The following CNKSR1 variants were observed in gnomAD, a reference collection of about 807,000 sequenced individuals.
CNKSR1 encodes the protein CNK homolog protein 1.
In CNKSR1, 88 loss-of-function variants were observed where a neutral mutation model predicts 95.6. The ratio of observed to expected loss-of-function variants is 0.92; its 90% CI spans 0.78 to 1.10. The LOEUF is 1.10. Ranked by LOEUF, CNKSR1 falls within the 50% of genes least tolerant of loss-of-function variation. The probability of loss-of-function intolerance (pLI) is 0.00; values close to 1 mark genes in which losing one functional copy is unlikely to be tolerated. For synonymous variants in CNKSR1, 355 were observed against 369.7 expected, an observed-to-expected ratio of 0.96 and a Z score of 0.46; for missense variants, 836 against 912.0, an observed-to-expected ratio of 0.92 and a Z score of 1.07.
At chr1:26,183,293 G>A (rs760179518) in intron 7 of CNKSR1, 37 bp downstream of exon 7, 22 of 1,613,906 alleles carry the variant, frequency 1.4e-5, no homozygotes, top group East Asian at 6.7e-5. Context: ...GCCCATCCCC[G>A]AGGCCTCTCA....
In CNKSR1 at chr1:26,189,749, A is replaced by G. The variant is rs748483524; in HGVS notation, c.*201A>G. The stretch of plus-strand genomic sequence containing the variant: ...TGCCAAAGAAGAAACTCTCCCCCCA[A>G]ATCCTCCAACCTCTGGGGCCACAGC... On this transcript the variant is annotated 3_prime_UTR_variant, in exon 21 of 21. Coordinates refer to ENST00000361530, the MANE Select transcript of CNKSR1 (RefSeq NM_006314.3). 7.2e-6 allele frequency: 5 copies of G among 698,944 alleles called. No homozygotes were observed. The highest frequency in any genetic ancestry group is 3.0e-5 in the South Asian group (2 of 67,020). 43.3% of individuals were successfully genotyped at this position (698,944 alleles called of 1,614,324 possible). A position where few individuals can be genotyped will look rare whatever the true frequency, so the allele number is the denominator to read the frequency against.
At position 26,189,680 on chromosome 1, in the gene CNKSR1, C is replaced by T; in HGVS notation, c.*132C>T. The T allele has an allele frequency of 1.3e-6, 1 of 770,412 alleles. No individual in the cohort carries two copies. Among genetic ancestry groups the T allele is most frequent in the Non-Finnish European group, 2.4e-6 (1 of 417,978 alleles). 47.7% of individuals were successfully genotyped at this position (770,412 alleles called of 1,614,324 possible). A position where few individuals can be genotyped will look rare whatever the true frequency, so the allele number is the denominator to read the frequency against. On this transcript the variant is annotated 3_prime_UTR_variant, in exon 21 of 21. Transcript: ENST00000361530. ...GTAGTACTGCTAGTCATGGTCTCAC[C>T]CCGAGCTGACCCCTCTGCCTGGGCT... is the stretch of plus-strand genomic sequence containing the variant.
intron 1 of CNKSR1, among the ~76,000 whole-genome samples, chr1:26,178,385 C>T: frequency 6.6e-6 from 1 of 152,216 alleles, no homozygotes; most frequent in East Asian, 1.9e-4. Flanking sequence ...CTAGGCCAGA[C>T]TGAAGAGGTT....
At position 26,187,407 on chromosome 1, in the gene CNKSR1, G is replaced by A. The variant is rs2088774344; in HGVS notation, c.1383-4G>A. ...CTGAGTGATGCTCCTCCACTACCTG[G>A]CAGTGTGTTTCAGCTCACCCATGAT... On this transcript the variant is annotated splice_polypyrimidine_tract_variant and splice_region_variant and intron_variant, in intron 15 of 20. Coordinates refer to ENST00000361530, the MANE Select transcript of CNKSR1 (RefSeq NM_006314.3). The A allele has an allele frequency of 6.2e-7, 1 of 1,613,886 alleles. No individual in the cohort carries two copies. The highest frequency in any genetic ancestry group is 1.7e-5 in the Admixed American group (1 of 59,996).
rs771625143 is a variant in CNKSR1, at chr1:26,189,514, C to T, written c.2108C>T (p.Thr703Ile). ...GAGCACTCCCATCTCTGCCCCCTGA[C>T]CTCAGAGAGCAGCCTCCGACCTCCT... is the stretch of plus-strand genomic sequence containing the variant. ...PEEHSHLCPLTSESSLRPPDL is the reference protein window; with the variant it reads ...PEEHSHLCPLISESSLRPPDL The change falls in exon 21 of 21, where the codon ACC becomes ATC. Residue 703 changes from threonine to isoleucine, a missense_variant. Thr to Ile is a moderately conservative substitution (Grantham distance 89). Coordinates refer to ENST00000361530, the MANE Select transcript of CNKSR1 (RefSeq NM_006314.3). 1.3e-6 allele frequency: 2 copies of T among 1,588,452 alleles called. No homozygotes were observed. The highest frequency in any genetic ancestry group is 1.3e-5 in the African/African-American group (1 of 74,516).
At chr1:26,187,511 C>T (rs779471011) in intron 16 of CNKSR1, 29 bp downstream of exon 16, 1 of 1,609,408 alleles carries the variant, frequency 6.2e-7, no homozygotes, top group Non-Finnish European at 8.5e-7. Flanking sequence ...AGCCCCTACT[C>T]TCATATGATT....
In CNKSR1 at chr1:26,184,101, C is replaced by T. The variant is rs375281651; in HGVS notation, c.886C>T (p.Gln296Ter). 1 of 1,612,222 alleles carries T rather than the reference C, an allele frequency of 6.2e-7. No homozygotes were observed. Among genetic ancestry groups the T allele is most frequent in the Non-Finnish European group, 8.5e-7 (1 of 1,179,580 alleles). Residue 296 changes from glutamine (Q) to a stop codon, truncating the protein, a stop_gained, in exon 10 of 21, where the codon CAG becomes TAG. Transcript: ENST00000361530. LOFTEE classifies it high-confidence loss of function. ...CCCTCAGGTCCTGGACTCCCCGCACCAGAGGAGCCCATCACTGTCTCTGGC... is the reference window on the plus strand; with the variant it reads ...CCCTCAGGTCCTGGACTCCCCGCACTAGAGGAGCCCATCACTGTCTCTGGC... Reference protein sequence around the residue: ...TPPQVLDSPHQRSPSLSLAPL... With the variant: ...TPPQVLDSPH
At position 26,180,863 on chromosome 1, in the gene CNKSR1, A is replaced by C. The variant is rs772820928; in HGVS notation, c.359A>C (p.His120Pro). The C allele has an allele frequency of 1.2e-6, 2 of 1,614,224 alleles. No homozygotes were observed. ...CTCTGTGCAGCTGTGGAGCTGTTGC[A>C]TGAAGCTGACGCCCTCCTCTTCTGG... ...DVLCAAVELL[H>P]EADALLFWLS... The change falls in exon 3 of 21, where the codon CAT becomes CCT. Residue 120 changes from histidine to proline, a missense_variant. Coordinates refer to ENST00000361530, the MANE Select transcript of CNKSR1 (RefSeq NM_006314.3).
chr1:26,183,720 G>A lies in CNKSR1; in HGVS notation c.754-9G>A. The A allele has an allele frequency of 1.2e-6, 2 of 1,601,068 alleles. No homozygotes were observed. The highest frequency in any genetic ancestry group is 1.7e-6 in the Non-Finnish European group (2 of 1,168,202). On this transcript the variant is annotated splice_polypyrimidine_tract_variant and intron_variant, in intron 8 of 20. Coordinates refer to ENST00000361530, the MANE Select transcript of CNKSR1 (RefSeq NM_006314.3). ...CAGGTTGATACCAGCCAGTGTTTCT[G>A]TCCCCCAGGTGGGATGGCCCCGTAA...
intron 6 of CNKSR1, 97 bp downstream of exon 6, chr1:26,182,681 A>G (rs999543299): frequency 2.3e-5 from 26 of 1,131,726 alleles, no homozygotes; most frequent in Middle Eastern, 2.8e-4. Flanking sequence ...CTGTGCTGCC[A>G]TGGCTGGAAA....
In CNKSR1 at chr1:26,187,279, C is replaced by G. The variant is rs377514965; in HGVS notation, c.1382+38C>G. 7 of 1,598,168 alleles carry G rather than the reference C, an allele frequency of 4.4e-6. No individual in the cohort carries two copies. In the African/African-American group the frequency reaches 9.4e-5, roughly 21 times the overall value. On this transcript the variant is annotated intron_variant, in intron 15 of 20. Transcript: ENST00000361530. ...GGTGTGATGGGCTGGGGGATGGAGA[C>G]AGAAAGGGAGAGGAAGGGTGATGGG...
chr1:26,183,565 T>C (rs965210562), intron 8 of CNKSR1, 151 bp downstream of exon 8: 1 of 1,027,036 alleles, frequency 9.7e-7, no homozygotes, highest in Non-Finnish European at 1.5e-6. Flanking sequence ...GAGCATCCTC[T>C]GCAGAGCCCA....
At chr1:26,185,241 T>A in intron 14 of CNKSR1, 55 bp downstream of exon 14, 1 of 1,510,078 alleles carries the variant, frequency 6.6e-7, no homozygotes, top group East Asian at 2.5e-5. Context: ...CAGGCCTCGA[T>A]TCTCATCTCT....
intron 16 of CNKSR1, 62 bp from the exon 17 acceptor site, chr1:26,188,172 C>A: frequency 7.0e-7 from 1 of 1,421,498 alleles, no homozygotes; most frequent in Non-Finnish European, 9.9e-7. Context: ...GGTAAAAAGC[C>A]CCCAGCATAC....
chr1:26,184,181 G>A (rs534718562), intron 10 of CNKSR1, 33 bp from the exon 11 acceptor site: 17 of 1,611,256 alleles, frequency 1.1e-5, no homozygotes, highest in South Asian at 4.4e-5. Flanking sequence ...TGGGGAGACC[G>A]TGGGCTCATC....
chr1:26,184,827 T>C (rs375366611), intron 13 of CNKSR1, among the ~76,000 whole-genome samples, 187 bp from the exon 14 acceptor site: 13 of 152,008 alleles, frequency 8.6e-5, no homozygotes, highest in African/African-American at 3.1e-4. Context: ...GGTTAGCCTC[T>C]AGTCTTCAGT....
intron 14 of CNKSR1, among the ~76,000 whole-genome samples, chr1:26,186,475 GTTTGT>G (rs370928981): frequency 6.7e-6 from 1 of 150,242 alleles, no homozygotes; most frequent in Non-Finnish European, 1.5e-5. Flanking sequence ...TAAGTTTTTT[GTTTGT>G]TTTGTTTTGT....
intron 8 of CNKSR1, 103 bp from the exon 9 acceptor site, chr1:26,183,613 GAGTGGGAGGCAGA>G (rs2088683780): frequency 3.9e-6 from 4 of 1,026,088 alleles, no homozygotes; most frequent in Admixed American, 1.7e-5. Flanking sequence ...GAGGCTGCAT[GAGTGGGAGGCAGA>G]AGTGGGAGGC....
chr1:26,181,435 C>A (rs547942610), intron 3 of CNKSR1, among the ~76,000 whole-genome samples: 1 of 151,974 alleles, frequency 6.6e-6, no homozygotes, highest in Non-Finnish European at 1.5e-5. Context: ...GCCTCCCCAA[C>A]CCTGTGCACT....
Sources: allele counts gnomAD v4.1 joint callset (sites outside exome capture counted in the v4.1 genomes callset), GRCh38; gene constraint gnomAD v4.1.1; transcripts MANE v1.5; gene names NCBI Gene and HGNC (gene_info 2026-07-23, HGNC 2026-07-21).